The following C8orf34 variants were observed in gnomAD, a reference collection of about 807,000 sequenced individuals.
C8orf34 encodes the protein chromosome 8 open reading frame 34, also known as uncharacterized protein C8orf34.
A neutral mutation model predicts 68.3 loss-of-function variants in C8orf34; 65 were observed. The observed-to-expected ratio is 0.95, with a 90% CI of 0.78 to 1.17. The LOEUF (loss-of-function observed/expected upper bound fraction) is 1.17. Among genes scored for constraint, C8orf34 ranks in the 50% most tolerant of loss-of-function variants. The pLI is 0.00. For synonymous variants in C8orf34, 244 were observed against 241.2 expected, an observed-to-expected ratio of 1.01 and a Z score of -0.11; for missense variants, 664 against 655.4, an observed-to-expected ratio of 1.01 and a Z score of -0.14.
chr8:68,485,924 A>T (rs1813060831), intron 4 of C8orf34, among the ~76,000 whole-genome samples: 1 of 151,910 alleles, frequency 6.6e-6, no homozygotes, highest in Non-Finnish European at 1.5e-5. Flanking sequence ...TATATTTAAG[A>T]TATTCAGTCT....
intron 7 of C8orf34, among the ~76,000 whole-genome samples, chr8:68,547,005 G>T (rs867188472): frequency 4.0e-5 from 6 of 151,646 alleles, no homozygotes; most frequent in African/African-American, 1.2e-4. Flanking sequence ...ATCTTAAAAA[G>T]CTAGAAAATA....
intron 10 of C8orf34, among the ~76,000 whole-genome samples, chr8:68,741,970 A>G (rs939226969): frequency 6.6e-6 from 1 of 152,132 alleles, no homozygotes; most frequent in Non-Finnish European, 1.5e-5. Context: ...CCAACATTCT[A>G]TCCAACATTC....
In C8orf34 at chr8:68,591,830, A is replaced by G. The variant is rs139668918; in HGVS notation, c.1106-48546A>G. On this transcript the variant is annotated intron_variant, in intron 7 of 13. Coordinates refer to ENST00000518698, the MANE Select transcript of C8orf34 (RefSeq NM_052958.4). The stretch of plus-strand genomic sequence containing the variant: ...ATGTGATTTGGGGAATTTAAGACTT[A>G]AAATGAATTGCCCATGATCAGACTA... Among the ~76,000 whole-genome samples, 570 of 152,294 alleles carry G rather than the reference A, an allele frequency of 3.7e-3. 6 individuals carry two copies. The highest frequency in any genetic ancestry group is 0.013 in the African/African-American group (531 of 41,570).
At chr8:68,560,943 A>G (rs1816404334) in intron 7 of C8orf34, among the ~76,000 whole-genome samples, 1 of 149,934 alleles carries the variant, frequency 6.7e-6, no homozygotes, top group South Asian at 2.1e-4. Flanking sequence ...GCTTACTATA[A>G]CTTTTTTTTT....
intron 5 of C8orf34, among the ~76,000 whole-genome samples, chr8:68,504,501 G>A (rs1423101912): frequency 1.3e-5 from 2 of 152,008 alleles, no homozygotes; most frequent in African/African-American, 2.4e-5. Context: ...TTGAGGAACT[G>A]CCAAATTGAT....
rs879835492 is a variant in C8orf34, at chr8:68,463,005, T to C, written c.608-5687T>C. On this transcript the variant is annotated intron_variant, in intron 3 of 13. Coordinates refer to ENST00000518698, the MANE Select transcript of C8orf34 (RefSeq NM_052958.4). ...TCAAAAAATTAATGAATCCAGGAGC[T>C]GGTTTTTTGAAGGATCAACAAAATT... Among the ~76,000 whole-genome samples, 159 of 152,138 alleles carry C rather than the reference T, an allele frequency of 1.0e-3. 1 individual carries two copies. Among genetic ancestry groups the C allele is most frequent in the African/African-American group, 3.8e-3 (156 of 41,456 alleles).
At position 68,675,175 on chromosome 8, in the gene C8orf34, G is replaced by T. The variant is rs182092501; in HGVS notation, c.1242-33819G>T. Among the ~76,000 whole-genome samples, 6 of 152,154 alleles carry T rather than the reference G, an allele frequency of 3.9e-5. No individual in the cohort carries two copies. The East Asian group carries it at 1.2e-3, about 29-fold the overall frequency. On this transcript the variant is annotated intron_variant, in intron 8 of 13. Coordinates refer to ENST00000518698, the MANE Select transcript of C8orf34 (RefSeq NM_052958.4). ...CTACAGAGAGTTCTTCAATCTGAAA[G>T]AAAAAGATGTTAATAAACAAAACAA...
chr8:68,411,520 A>G (rs192241828), intron 1 of C8orf34, among the ~76,000 whole-genome samples: 2 of 152,300 alleles, frequency 1.3e-5, no homozygotes, highest in Admixed American at 1.3e-4. Context: ...ATTCCTATTT[A>G]TTGTCCATCA....
intron 1 of C8orf34, among the ~76,000 whole-genome samples, chr8:68,381,733 C>A (rs1384638854): frequency 1.6e-5 from 1 of 61,508 alleles, no homozygotes. Flanking sequence ...AGCGAGACTC[C>A]GTCTCAAAAA....
intron 7 of C8orf34, among the ~76,000 whole-genome samples, chr8:68,552,252 A>T (rs1281710230): frequency 1.3e-5 from 2 of 152,190 alleles, no homozygotes; most frequent in East Asian, 3.8e-4. Context: ...ATCACCTCGA[A>T]TTTTAATACA....
intron 8 of C8orf34, among the ~76,000 whole-genome samples, chr8:68,682,146 G>A (rs942623104): frequency 2.0e-5 from 3 of 152,084 alleles, no homozygotes. Context: ...TAGTACTGTA[G>A]TACTGCTGTA....
intron 1 of C8orf34, among the ~76,000 whole-genome samples, chr8:68,410,893 A>G (rs886258616): frequency 2.0e-5 from 3 of 152,204 alleles, no homozygotes; most frequent in Non-Finnish European, 2.9e-5. Flanking sequence ...CAGTTCTTCA[A>G]TGAATAACAC....
intron 1 of C8orf34, among the ~76,000 whole-genome samples, chr8:68,366,693 A>AT (rs1238538274): frequency 1.4e-5 from 2 of 145,900 alleles, no homozygotes; most frequent in African/African-American, 5.1e-5. Flanking sequence ...CTGGCTAGCC[A>AT]TATGTAGAAA....
chr8:68,542,300 C>T (rs541036738), intron 7 of C8orf34, among the ~76,000 whole-genome samples: 1 of 152,314 alleles, frequency 6.6e-6, no homozygotes, highest in African/African-American at 2.4e-5. Flanking sequence ...AATGCATTCT[C>T]TTATCTTCTC....
chr8:68,725,378 T>G (rs1056847571), intron 10 of C8orf34, among the ~76,000 whole-genome samples: 5 of 152,206 alleles, frequency 3.3e-5, no homozygotes, highest in African/African-American at 9.6e-5. Context: ...TCATCATTTC[T>G]TACTTAAAGT....
At chr8:68,682,339 C>T (rs1563606500) in intron 8 of C8orf34, among the ~76,000 whole-genome samples, 2 of 152,056 alleles carry the variant, frequency 1.3e-5, no homozygotes, top group African/African-American at 2.4e-5. Context: ...AATATGTACA[C>T]CTGCTATGTG....
At chr8:68,810,885 G>C (rs1824630107) in intron 12 of C8orf34, among the ~76,000 whole-genome samples, 1 of 152,162 alleles carries the variant, frequency 6.6e-6, no homozygotes, top group African/African-American at 2.4e-5. Context: ...TGTACTGACT[G>C]GTCCATGCGT....
intron 10 of C8orf34, among the ~76,000 whole-genome samples, chr8:68,753,790 G>T (rs1235481465): frequency 1.3e-5 from 2 of 152,266 alleles, no homozygotes; most frequent in African/African-American, 2.4e-5. Flanking sequence ...ACATGATAAA[G>T]AGAATTCTGA....
intron 10 of C8orf34, among the ~76,000 whole-genome samples, chr8:68,750,459 A>G (rs1822671869): frequency 6.6e-6 from 1 of 152,122 alleles, no homozygotes; most frequent in Admixed American, 6.6e-5. Flanking sequence ...GAGGAAAGAA[A>G]AAAGGGAAGT....
Sources: allele counts gnomAD v4.1 joint callset (sites outside exome capture counted in the v4.1 genomes callset), GRCh38; gene constraint gnomAD v4.1.1; transcripts MANE v1.5; gene names NCBI Gene and HGNC (gene_info 2026-07-23, HGNC 2026-07-21).